Variants in DDN observed in about 807,000 individuals in gnomAD.
The protein encoded by DDN is dendrin.
A neutral mutation model predicts 7.3 loss-of-function variants in DDN; 4 were observed. The ratio of observed to expected loss-of-function variants is 0.55; its 90% CI spans 0.27 to 1.25. The LOEUF is 1.25. Among genes scored for constraint, DDN ranks in the 50% most tolerant of loss-of-function variants. DDN has a pLI of 0.12. For synonymous variants in DDN, 425 were observed against 424.3 expected, an observed-to-expected ratio of 1.00 and a Z score of -0.02; for missense variants, 933 against 974.7, an observed-to-expected ratio of 0.96 and a Z score of 0.57.
rs754287303 is a variant in DDN, at chr12:48,999,210, G to C, written c.78C>G (p.Leu26=). 2.9e-5 allele frequency: 46 copies of C among 1,604,324 alleles called. No individual in the cohort carries two copies. The highest frequency in any genetic ancestry group is 3.9e-5 in the Non-Finnish European group (46 of 1,175,544). ...CCAATAGCTTGGACTTCTGCACCCAGAGGCAGCTGCCAGACTCCTCATCCT... is the reference window on the plus strand; with the variant it reads ...CCAATAGCTTGGACTTCTGCACCCACAGGCAGCTGCCAGACTCCTCATCCT... ...ELQDEESGSC[L]WVQKSKLLVI... Residue 26 remains leucine, a synonymous_variant, in exon 1 of 2, where the codon CTC becomes CTG. Coordinates refer to ENST00000421952, the MANE Select transcript of DDN (RefSeq NM_015086.2).
chr12:48,995,661 G>T lies in DDN; in HGVS notation c.*1079C>A, dbSNP rs1941194168. ...CTTCTGGTGACCGGCCTCTTTCCTT[G>T]CCTGGCCGGTTTCTGGAAGAGGCCA... On this transcript the variant is annotated 3_prime_UTR_variant, in exon 2 of 2. Coordinates refer to ENST00000421952, the MANE Select transcript of DDN (RefSeq NM_015086.2). 6.6e-6 allele frequency: 1 copy of T among 152,282 alleles called. No individual in the cohort carries two copies. The highest frequency in any genetic ancestry group is 2.1e-4 in the South Asian group (1 of 4,834). 9.4% of individuals were successfully genotyped at this position (152,282 alleles called of 1,614,324 possible).
rs776651031 is a variant in DDN at position 48,997,918 on chromosome 12, G to C, written c.958C>G (p.Leu320Val). 2.5e-6 allele frequency: 4 copies of C among 1,612,678 alleles called. No individual in the cohort carries two copies. Among genetic ancestry groups the C allele is most frequent in the Non-Finnish European group, 3.4e-6 (4 of 1,179,958 alleles). The change falls in exon 2 of 2, where the codon CTG becomes GTG. Residue 320 changes from leucine (L) to valine (V), a missense_variant. By Grantham distance (32) the Leu-to-Val change is conservative (BLOSUM62 1). Transcript: ENST00000421952. Reference sequence around the variant, plus strand: ...CCACTGTTCAGGTCAGCAGCAGCCAGCCCCAGGCTTTTCTCCACGACCCCC... The same window carrying C: ...CCACTGTTCAGGTCAGCAGCAGCCACCCCCAGGCTTTTCTCCACGACCCCC... The part of the protein sequence containing the change: ...GKGVVEKSLG[L>V]AAADLNSGSD...
rs563444155 is a variant in DDN, at chr12:48,998,409, A to G, written c.467T>C (p.Leu156Pro). The change falls in exon 2 of 2, where the codon CTG (leucine) becomes CCG (proline). Residue 156 changes from leucine to proline, a missense_variant. Leu to Pro is a moderately conservative substitution (Grantham distance 98). Transcript: ENST00000421952. Reference sequence around the variant, plus strand: ...CCGCAAGGGAGCAGGGAGCCCTGCCAGCTGGGCCACCCGAGGGGCGTTGCG... The same window carrying G: ...CCGCAAGGGAGCAGGGAGCCCTGCCGGCTGGGCCACCCGAGGGGCGTTGCG... ...EPRNAPRVAQLAGLPAPLRPE... is the reference protein window; with the variant it reads ...EPRNAPRVAQPAGLPAPLRPE... The G allele has an allele frequency of 2.3e-5, 34 of 1,502,562 alleles. 1 individual carries two copies. Among genetic ancestry groups the G allele is most frequent in the African/African-American group, 1.3e-4 (9 of 69,268 alleles). 93.1% of individuals were successfully genotyped at this position (1,502,562 alleles called of 1,614,324 possible). A position where few individuals can be genotyped will look rare whatever the true frequency, so the allele number is the denominator to read the frequency against.
rs199834187 is a variant in DDN, at chr12:48,997,480, A to C, written c.1396T>G (p.Tyr466Asp). ...TGCTGGGTTCGGGGGGTTGGAACAT[A>C]TTGGGATCGTATCACTACGCACGTG... is the stretch of plus-strand genomic sequence containing the variant. ...DATCVVIRSQ[Y>D]VPTPRTQQVQ... Residue 466 changes from tyrosine to aspartate, a missense_variant, in exon 2 of 2, where the codon TAT becomes GAT. Coordinates refer to ENST00000421952, the MANE Select transcript of DDN (RefSeq NM_015086.2). 6.2e-7 allele frequency: 1 copy of C among 1,613,028 alleles called. No homozygotes were observed. Among genetic ancestry groups the C allele is most frequent in the Non-Finnish European group, 8.5e-7 (1 of 1,179,216 alleles).
At position 48,998,672 on chromosome 12, in the gene DDN, A is replaced by G; in HGVS notation, c.210-6T>C. 6.7e-7 allele frequency: 1 copy of G among 1,493,114 alleles called. No individual in the cohort carries two copies. Among genetic ancestry groups the G allele is most frequent in the Non-Finnish European group, 8.8e-7 (1 of 1,131,538 alleles). 92.5% of individuals were successfully genotyped at this position (1,493,114 alleles called of 1,614,324 possible). A position where few individuals can be genotyped will look rare whatever the true frequency, so the allele number is the denominator to read the frequency against. On this transcript the variant is annotated splice_region_variant and splice_polypyrimidine_tract_variant and intron_variant, in intron 1 of 1. Transcript: ENST00000421952. ...ATCCCGGGCGCGGCCCACACCTGGG[A>G]CAATGAGCAGGAACCCAGGTGAGCA...
chr12:48,996,486 C>CA lies in DDN; in HGVS notation c.*253dup, dbSNP rs1592263455. The CA allele has an allele frequency of 9.8e-6, 5 of 508,526 alleles. No homozygotes were observed. In the East Asian group the frequency reaches 2.0e-4, roughly 21 times the overall value. The allele number at this position is 508,526 out of a possible 1,614,324, so 31.5% of individuals were successfully genotyped here. ...CTGCTCAGCTCCACACCCAGTGCAT[C>CA]AGCCCCTGCGAAGAGCTCACCCTTG... On this transcript the variant is annotated 3_prime_UTR_variant, in exon 2 of 2. Coordinates refer to ENST00000421952, the MANE Select transcript of DDN (RefSeq NM_015086.2).
chr12:48,997,297 G>A lies in DDN; in HGVS notation c.1579C>T (p.Arg527Cys). The change falls in exon 2 of 2, where the codon CGC (arginine) becomes TGC (cysteine). Residue 527 changes from arginine (R) to cysteine (C), a missense_variant. Transcript: ENST00000421952. ...SRLLHQPGGGRGGEAEGGRPG... is the reference protein window; with the variant it reads ...SRLLHQPGGGCGGEAEGGRPG... ...CTCCCGCCCTCAGCTTCGCCCCCGC[G>A]GCCCCCGCCGGGCTGGTGTAAAAGG... 1 of 1,608,388 alleles carries A rather than the reference G, an allele frequency of 6.2e-7. No individual in the cohort carries two copies. The highest frequency in any genetic ancestry group is 8.5e-7 in the Non-Finnish European group (1 of 1,178,010).
In DDN at chr12:48,997,579, T is replaced by C; in HGVS notation, c.1297A>G (p.Thr433Ala). 1.3e-6 allele frequency: 2 copies of C among 1,584,226 alleles called. No individual in the cohort carries two copies. The highest frequency in any genetic ancestry group is 2.7e-5 in the African/African-American group (2 of 74,356). The change falls in exon 2 of 2, where the codon ACC (threonine) becomes GCC (alanine). Residue 433 changes from threonine to alanine, a missense_variant. Coordinates refer to ENST00000421952, the MANE Select transcript of DDN (RefSeq NM_015086.2). ...CGGGGCAAGGTGTGGGCACGGCGGGTCGCCTTCCAACCCTCCAGGGTCTCC... is the reference window on the plus strand; with the variant it reads ...CGGGGCAAGGTGTGGGCACGGCGGGCCGCCTTCCAACCCTCCAGGGTCTCC... ...GPETLEGWKA[T>A]RRAHTLPRSS...
rs538992708 is a variant in DDN, at chr12:48,995,929, TGGG to T, written c.*808_*810del. On this transcript the variant is annotated 3_prime_UTR_variant, in exon 2 of 2. Transcript: ENST00000421952. ...GAGCCCTCAACCAAACCTGGGAGAC[TGGG>T]ATAGGAGTGCCTCACTCCCTTACCT... is the stretch of plus-strand genomic sequence containing the variant. 2,098 of 152,540 alleles carry T rather than the reference TGGG, an allele frequency of 0.014. 26 individuals are homozygous for T. Among genetic ancestry groups the T allele is most frequent in the Non-Finnish European group, 0.024 (1,606 of 68,154 alleles). 9.4% of individuals were successfully genotyped at this position (152,540 alleles called of 1,614,324 possible).
intron 1 of DDN, 106 bp from the exon 2 acceptor site, chr12:48,998,772 G>A: frequency 1.6e-6 from 2 of 1,289,386 alleles, no homozygotes; most frequent in Non-Finnish European, 2.1e-6. Flanking sequence ...ATGTGAAGGG[G>A]TGTGTGTGAG....
chr12:48,998,487 C>T lies in DDN; in HGVS notation c.389G>A (p.Arg130His), dbSNP rs779484052. ...REAKETERKR[R>H]KAGGARRSPP... ...GCTCCGTCGGGCCCCACCAGCCTTG[C>T]GCCTTTTTCGCTCGGTCTCCTTGGC... The change falls in exon 2 of 2, where the codon CGC (arginine) becomes CAC (histidine). Residue 130 changes from arginine to histidine, a missense_variant. Transcript: ENST00000421952. 6.3e-7 allele frequency: 1 copy of T among 1,584,748 alleles called. No individual in the cohort carries two copies. The highest frequency in any genetic ancestry group is 1.1e-5 in the South Asian group (1 of 88,938).
Position 48,995,207 on chromosome 12 carries a change from T to A in DDN, c.*1533A>T, listed in dbSNP as rs1203344983. ...GTGTGCCAGGCAGTGTGCAAGGCGC[T>A]TTACATACATTATCGCATTAAATCC... On this transcript the variant is annotated 3_prime_UTR_variant, in exon 2 of 2. Transcript: ENST00000421952. 2.0e-5 allele frequency: 3 copies of A among 152,394 alleles called. No individual in the cohort carries two copies. The highest frequency in any genetic ancestry group is 6.5e-5 in the Admixed American group (1 of 15,286). 9.4% of individuals were successfully genotyped at this position (152,394 alleles called of 1,614,324 possible).
In DDN at chr12:48,997,955, T is replaced by C; in HGVS notation, c.921A>G (p.Pro307=). Residue 307 remains proline, a synonymous_variant, in exon 2 of 2, where the codon CCA becomes CCG. Transcript: ENST00000421952. The part of the protein sequence containing the change: ...SPGCGAARAR[P]EPGKGVVEKS... Reference sequence around the variant, plus strand: ...TCTCCACGACCCCCTTGCCGGGCTCTGGCCTTGCTCTGGCCGCTCCACAGC... The same window carrying C: ...TCTCCACGACCCCCTTGCCGGGCTCCGGCCTTGCTCTGGCCGCTCCACAGC... 3 of 1,613,152 alleles carry C rather than the reference T, an allele frequency of 1.9e-6. No homozygotes were observed. Among genetic ancestry groups the C allele is most frequent in the Non-Finnish European group, 2.5e-6 (3 of 1,180,002 alleles).
At position 48,998,430 on chromosome 12, in the gene DDN, T is replaced by C; in HGVS notation, c.446A>G (p.Asn149Ser). 1 of 1,517,934 alleles carries C rather than the reference T, an allele frequency of 6.6e-7. No homozygotes were observed. Among genetic ancestry groups the C allele is most frequent in the Non-Finnish European group, 8.8e-7 (1 of 1,142,752 alleles). 94.0% of individuals were successfully genotyped at this position (1,517,934 alleles called of 1,614,324 possible). A position where few individuals can be genotyped will look rare whatever the true frequency, so the allele number is the denominator to read the frequency against. The stretch of plus-strand genomic sequence containing the variant: ...TGCCAGCTGGGCCACCCGAGGGGCG[T>C]TGCGGGGCTCCGGGCGGGGTCGACC... ...PPGRPRPEPRNAPRVAQLAGL... is the reference protein window; with the variant it reads ...PPGRPRPEPRSAPRVAQLAGL... Residue 149 changes from asparagine (N) to serine (S), a missense_variant, in exon 2 of 2, where the codon AAC (asparagine) becomes AGC (serine). Physicochemically the swap from Asn to Ser is conservative, Grantham distance 46. Transcript: ENST00000421952.
chr12:48,997,907 A>G lies in DDN; in HGVS notation c.969T>C (p.Ala323=). 6.2e-7 allele frequency: 1 copy of G among 1,612,722 alleles called. No individual in the cohort carries two copies. The highest frequency in any genetic ancestry group is 8.5e-7 in the Non-Finnish European group (1 of 1,179,994). ...GGCTGTCGCTACCACTGTTCAGGTC[A>G]GCAGCAGCCAGCCCCAGGCTTTTCT... ...VVEKSLGLAA[A]DLNSGSDSHP... Residue 323 remains alanine (A), a synonymous_variant, in exon 2 of 2, where the codon GCT becomes GCC. Transcript: ENST00000421952.
Position 48,999,133 on chromosome 12 carries a change from C to T in DDN, c.155G>A (p.Arg52Gln). Residue 52 changes from arginine to glutamine, a missense_variant, in exon 1 of 2, where the codon CGA (arginine) becomes CAA (glutamine). Arg to Gln is a conservative substitution (Grantham distance 43). Transcript: ENST00000421952. ...SCHYSRRAPSRQPMDFQASHW... is the reference protein window; with the variant it reads ...SCHYSRRAPSQQPMDFQASHW... ...GCTGGCCTGGAAGTCCATGGGCTGT[C>T]GAGAAGGGGCGCGGCGACTATAATG... 6.2e-7 allele frequency: 1 copy of T among 1,614,062 alleles called. No homozygotes were observed. Among genetic ancestry groups the T allele is most frequent in the Non-Finnish European group, 8.5e-7 (1 of 1,179,984 alleles).
chr12:48,998,179 A>G lies in DDN; in HGVS notation c.697T>C (p.Tyr233His). Residue 233 changes from tyrosine (Y) to histidine (H), a missense_variant, in exon 2 of 2, where the codon TAC becomes CAC. Transcript: ENST00000421952. ...CCCAAGGTCCTATGGGGGCCTTCGTAAGAAGGTGGAGCCACGTAGGGTGGC... is the reference window on the plus strand; with the variant it reads ...CCCAAGGTCCTATGGGGGCCTTCGTGAGAAGGTGGAGCCACGTAGGGTGGC... ...RPPPYVAPPS[Y>H]EGPHRTLGTK... The G allele has an allele frequency of 6.2e-7, 1 of 1,612,738 alleles. No homozygotes were observed. The highest frequency in any genetic ancestry group is 8.5e-7 in the Non-Finnish European group (1 of 1,179,676).
chr12:48,997,293 C>A lies in DDN; in HGVS notation c.1583G>T (p.Gly528Val). The change falls in exon 2 of 2, where the codon GGG (glycine) becomes GTG (valine). Residue 528 changes from glycine to valine, a missense_variant. Transcript: ENST00000421952. The part of the protein sequence containing the change: ...RLLHQPGGGR[G>V]GEAEGGRPGD... The stretch of plus-strand genomic sequence containing the variant: ...CGGCCTCCCGCCCTCAGCTTCGCCC[C>A]CGCGGCCCCCGCCGGGCTGGTGTAA... 1 of 1,608,654 alleles carries A rather than the reference C, an allele frequency of 6.2e-7. No individual in the cohort carries two copies.
Position 48,996,575 on chromosome 12 carries a change from T to G in DDN, c.*165A>C. On this transcript the variant is annotated 3_prime_UTR_variant, in exon 2 of 2. Transcript: ENST00000421952. ...TCTCACCTCTCCTGAAACAAAATCA[T>G]TAATGGGCATATGCTTCCCTTCCTT... is the stretch of plus-strand genomic sequence containing the variant. The G allele has an allele frequency of 8.3e-7, 1 of 1,200,488 alleles. No individual in the cohort carries two copies. The highest frequency in any genetic ancestry group is 1.1e-6 in the Non-Finnish European group (1 of 886,844). The allele number at this position is 1,200,488 out of a possible 1,614,324, so 74.4% of individuals were successfully genotyped here. A position where few individuals can be genotyped will look rare whatever the true frequency, so the allele number is the denominator to read the frequency against.
Sources: allele counts gnomAD v4.1 joint callset, GRCh38; gene constraint gnomAD v4.1.1; transcripts MANE v1.5; gene names NCBI Gene and HGNC (gene_info 2026-07-23, HGNC 2026-07-21).